Variants in LY96 observed in about 807,000 individuals in gnomAD.
LY96 encodes myeloid differentiation protein-2.
In LY96, 18 loss-of-function variants were observed where a neutral mutation model predicts 18.9. That is an observed-to-expected ratio of 0.95 (90% CI 0.66 to 1.41). The LOEUF (loss-of-function observed/expected upper bound fraction) is 1.41, where lower values mean the gene tolerates loss of function less well. Among genes scored for constraint, LY96 ranks in the 40% most tolerant of loss-of-function variants. LY96 has a pLI of 0.00. For missense variants in LY96, 175 were observed against 182.4 expected (o/e 0.96, Z 0.23); for synonymous variants, 66 against 62.6 (o/e 1.06, Z -0.26).
the LY96 span, among the ~76,000 whole-genome samples, chr8:74,088,091 AATAGAATAGAATAG>A: frequency 6.2e-4 from 75 of 121,040 alleles, no homozygotes; most frequent in African/African-American, 2.1e-3. Context: ...AGAAGAATAG[AATAGAATAGAATAG>A]AATAGAATAG....
intron 1 of LY96, among the ~76,000 whole-genome samples, chr8:73,997,153 G>A (rs545130140): frequency 5.3e-5 from 8 of 152,240 alleles, no homozygotes; most frequent in Non-Finnish European, 8.8e-5. Flanking sequence ...CACCGTGTCC[G>A]GCCTTAAACC....
the LY96 span, among the ~76,000 whole-genome samples, chr8:74,070,164 T>A: frequency 6.6e-6 from 1 of 151,798 alleles, no homozygotes. Context: ...CGATCTCGGC[T>A]CACTGCAAGC....
the LY96 span, among the ~76,000 whole-genome samples, chr8:74,096,904 A>G: frequency 6.6e-6 from 1 of 152,162 alleles, no homozygotes; most frequent in African/African-American, 2.4e-5. Context: ...AGGAGCAAGA[A>G]TGAAGTTTCC....
the LY96 span, among the ~76,000 whole-genome samples, chr8:74,080,984 C>CTCTT: frequency 0.12 from 12,569 of 105,084 alleles, 1,053 homozygotes; most frequent in East Asian, 0.17. Flanking sequence ...TTCTTTCTCT[C>CTCTT]TCTTTCTTTC....
chr8:74,068,338 TTA>T, the LY96 span, among the ~76,000 whole-genome samples: 1 of 152,176 alleles, frequency 6.6e-6, no homozygotes, highest in African/African-American at 2.4e-5. Flanking sequence ...CTGAGAATTG[TTA>T]TCTGTTATAA....
rs1487826394 is a variant in LY96 at position 74,004,876 on chromosome 8, T to TA, written c.194dup (p.Tyr65Ter). Residue 65 changes from tyrosine (Y) to a stop codon, truncating the protein, a stop_gained and frameshift_variant, in exon 2 of 5, where the codon TAC (tyrosine) becomes TAAC (stop). Coordinates refer to ENST00000284818, the MANE Select transcript of LY96 (RefSeq NM_015364.5). LOFTEE classifies it high-confidence loss of function. ...ATCCAAAGGATTATTGCACATTTTC[T>TA]ACATTCCAAGTAAGTTCAAATTTTT... ...KRSKGLLHIF[Y>*]IPRRDLKQLY... The TA allele has an allele frequency of 1.9e-6, 3 of 1,591,372 alleles. No homozygotes were observed. In the African/African-American group the frequency reaches 4.0e-5, roughly 21 times the overall value.
At chr8:74,054,148 C>T in the LY96 span, among the ~76,000 whole-genome samples, 1 of 152,182 alleles carries the variant, frequency 6.6e-6, no homozygotes, top group Non-Finnish European at 1.5e-5. Context: ...CCATCTCAGG[C>T]TCCTGAGTAG....
In LY96 at chr8:74,002,089, TTCTTTCTCTCTCTCTC is replaced by T. The variant is rs1246022172; in HGVS notation, c.113-2703_113-2688del. On this transcript the variant is annotated intron_variant, in intron 1 of 4. Transcript: ENST00000284818. ...TTCCTTCCTTCCTTTCTTTCTTTCT[TTCTTTCTCTCTCTCTC>T]TCTCTCTCTCTCTCTCTCTCTCTCT... Among the ~76,000 whole-genome samples the T allele has an allele frequency of 1.6e-4, 4 of 25,040 alleles. 1 individual carries two copies. The highest frequency in any genetic ancestry group is 8.4e-4 in the East Asian group (1 of 1,194). 16.4% of individuals were successfully genotyped at this position (25,040 alleles called of 152,430 possible).
chr8:74,078,575 T>C, the LY96 span, among the ~76,000 whole-genome samples: 1 of 152,196 alleles, frequency 6.6e-6, no homozygotes, highest in Non-Finnish European at 1.5e-5. Flanking sequence ...TGTTGGGTTC[T>C]GAGGCTTTTG....
At chr8:74,002,074 C>CCTTTCTTTCTTTCTTTCTTT (rs1563710848) in intron 1 of LY96, among the ~76,000 whole-genome samples, 1 of 16,412 alleles carries the variant, frequency 6.1e-5, no homozygotes, top group Non-Finnish European at 1.2e-4. Context: ...TTCCTTCCTT[C>CCTTTCTTTCTTTCTTTCTTT]CTTTCTTTCT....
At chr8:74,055,029 T>A in the LY96 span, among the ~76,000 whole-genome samples, 1 of 152,090 alleles carries the variant, frequency 6.6e-6, no homozygotes, top group Non-Finnish European at 1.5e-5. Flanking sequence ...CACCTCAGAC[T>A]CCTGAGTAGC....
the LY96 span, among the ~76,000 whole-genome samples, chr8:74,043,530 T>C: frequency 6.6e-6 from 1 of 152,116 alleles, no homozygotes; most frequent in East Asian, 1.9e-4. Context: ...CAGGTTGAGG[T>C]TGACTGGAAT....
At chr8:74,005,638 T>G (rs1429321070) in intron 2 of LY96, among the ~76,000 whole-genome samples, 1 of 152,244 alleles carries the variant, frequency 6.6e-6, no homozygotes, top group Non-Finnish European at 1.5e-5. Flanking sequence ...CAGAAGGCCA[T>G]GTGTTTTGTT....
At chr8:74,075,172 G>A in the LY96 span, among the ~76,000 whole-genome samples, 1 of 151,724 alleles carries the variant, frequency 6.6e-6, no homozygotes. Context: ...TCAGTGTTGA[G>A]TGCATATATA....
chr8:74,031,061 C>G (rs935408891), downstream of LY96, among the ~76,000 whole-genome samples: 10 of 149,942 alleles, frequency 6.7e-5, no homozygotes, highest in Non-Finnish European at 1.5e-4. Context: ...GGGCTACCCC[C>G]GTGTTATCCA....
chr8:74,040,795 C>A, the LY96 span, among the ~76,000 whole-genome samples: 1 of 150,144 alleles, frequency 6.7e-6, no homozygotes, highest in East Asian at 1.9e-4. Context: ...CTCTACCTCC[C>A]GGGTTCAAGC....
chr8:74,012,337 T>C (rs1816548228), intron 3 of LY96, among the ~76,000 whole-genome samples: 1 of 152,154 alleles, frequency 6.6e-6, no homozygotes, highest in Admixed American at 6.5e-5. Flanking sequence ...ATTTACACAA[T>C]GGAATACTAT....
At chr8:74,069,213 T>C in the LY96 span, among the ~76,000 whole-genome samples, 1 of 152,262 alleles carries the variant, frequency 6.6e-6, no homozygotes, top group African/African-American at 2.4e-5. Flanking sequence ...AGTTTTAGAT[T>C]TTCCTGAAGT....
the LY96 span, among the ~76,000 whole-genome samples, chr8:74,094,773 T>G: frequency 1.3e-5 from 2 of 152,240 alleles, no homozygotes; most frequent in Non-Finnish European, 2.9e-5. Flanking sequence ...TAATTGCTAA[T>G]GAGTTAGAAG....
Sources: gnomAD v4.1 joint callset for allele counts (sites outside exome capture counted in the v4.1 genomes callset) on GRCh38, gnomAD v4.1.1 for gene constraint, MANE v1.5 for transcripts, NCBI Gene and HGNC (gene_info 2026-07-23, HGNC 2026-07-21) for gene names.